The following CARMIL1 variants were observed in gnomAD, a reference collection of about 807,000 sequenced individuals.
CARMIL1 encodes capping protein regulator and myosin 1 linker 1.
Under a neutral mutation model 177.1 loss-of-function variants are expected in CARMIL1, and 90 were observed. The ratio of observed to expected loss-of-function variants is 0.51; its 90% CI spans 0.43 to 0.61. The LOEUF (loss-of-function observed/expected upper bound fraction) is 0.61, where lower values mean the gene tolerates loss of function less well. Ranked by LOEUF, CARMIL1 falls within the 20% of genes least tolerant of loss-of-function variation. The pLI is 0.00. For missense variants in CARMIL1, 1,380 were observed against 1,667.0 expected, an observed-to-expected ratio of 0.83 and a Z score of 3.00; for synonymous variants, 577 against 606.2, an observed-to-expected ratio of 0.95 and a Z score of 0.71.
At chr6:25,545,830 T>A (rs1809398198) in intron 26 of CARMIL1, among the ~76,000 whole-genome samples, 1 of 152,168 alleles carries the variant, frequency 6.6e-6, no homozygotes, top group Non-Finnish European at 1.5e-5. Context: ...ATAATTTAAA[T>A]CAGAGGATAT....
intron 2 of CARMIL1, among the ~76,000 whole-genome samples, chr6:25,304,702 C>T (rs984440157): frequency 6.6e-6 from 1 of 152,192 alleles, no homozygotes; most frequent in Admixed American, 6.5e-5. Flanking sequence ...GGGTTGGGGA[C>T]ACCTGCTATA....
At chr6:25,300,308 C>A (rs1242373834) in intron 2 of CARMIL1, among the ~76,000 whole-genome samples, 1 of 152,180 alleles carries the variant, frequency 6.6e-6, no homozygotes, top group Non-Finnish European at 1.5e-5. Context: ...AAAGATCAGA[C>A]CAGTGGTTCT....
intron 2 of CARMIL1, among the ~76,000 whole-genome samples, chr6:25,410,726 C>G (rs9366621): frequency 0.19 from 29,047 of 152,134 alleles, 3,161 homozygotes; most frequent in Non-Finnish European, 0.24. Context: ...CTTCTCCCAT[C>G]TTTAGAGTTG....
At chr6:25,344,898 G>T (rs1787335425) in intron 2 of CARMIL1, among the ~76,000 whole-genome samples, 1 of 151,914 alleles carries the variant, frequency 6.6e-6, no homozygotes, top group Admixed American at 6.6e-5. Context: ...ATTCCCACTG[G>T]CATATGAGTT....
At chr6:25,482,623 T>C (rs1312364155) in intron 12 of CARMIL1, among the ~76,000 whole-genome samples, 1 of 152,200 alleles carries the variant, frequency 6.6e-6, no homozygotes, top group African/African-American at 2.4e-5. Context: ...TGTCTGCCTC[T>C]GCCCTCCTGC....
At chr6:25,364,725 G>A (rs540529584) in intron 2 of CARMIL1, among the ~76,000 whole-genome samples, 2 of 152,060 alleles carry the variant, frequency 1.3e-5, no homozygotes, top group South Asian at 2.1e-4. Context: ...CACCACGCCC[G>A]GCTAATTTTT....
At chr6:25,291,305 T>C (rs551674471) in intron 2 of CARMIL1, among the ~76,000 whole-genome samples, 4,113 of 152,220 alleles carry the variant, frequency 0.027, 67 homozygotes, top group Non-Finnish European at 0.038. Flanking sequence ...AAGTATAAAC[T>C]CTATTCCACC....
chr6:25,317,277 T>G (rs1481132726), intron 2 of CARMIL1, among the ~76,000 whole-genome samples: 1 of 152,106 alleles, frequency 6.6e-6, no homozygotes, highest in Admixed American at 6.6e-5. Flanking sequence ...ACTATAGGTG[T>G]GCATTACTGT....
intron 33 of CARMIL1, among the ~76,000 whole-genome samples, chr6:25,604,416 A>T (rs909564102): frequency 2.6e-5 from 4 of 152,182 alleles, no homozygotes; most frequent in African/African-American, 9.7e-5. Context: ...AACCTAGAGC[A>T]GATTCTGTAC....
At chr6:25,445,701 AT>A (rs572438327) in intron 5 of CARMIL1, among the ~76,000 whole-genome samples, 5 of 148,650 alleles carry the variant, frequency 3.4e-5, no homozygotes, top group African/African-American at 4.9e-5. Flanking sequence ...GGTCCGGCTA[AT>A]TTTTTTTTTG....
chr6:25,346,269 TC>T (rs1011543364), intron 2 of CARMIL1, among the ~76,000 whole-genome samples: 2 of 152,168 alleles, frequency 1.3e-5, no homozygotes, highest in Non-Finnish European at 1.5e-5. Context: ...CTTCCTTGTT[TC>T]CCCCTCTGGT....
chr6:25,426,207 C>A (rs1474711798), intron 3 of CARMIL1, among the ~76,000 whole-genome samples: 1 of 152,150 alleles, frequency 6.6e-6, no homozygotes, highest in East Asian at 1.9e-4. Context: ...TTTGCACCAA[C>A]TTCTACTATT....
chr6:25,453,613 TA>T (rs929026025), intron 8 of CARMIL1, among the ~76,000 whole-genome samples: 3 of 152,198 alleles, frequency 2.0e-5, no homozygotes, highest in African/African-American at 7.2e-5. Context: ...GATGTTTGTT[TA>T]AAAAACTAGG....
Position 25,606,190 on chromosome 6 carries a change from C to G in CARMIL1, c.3764C>G (p.Pro1255Arg). The change falls in exon 35 of 37, where the codon CCG becomes CGG. Residue 1255 changes from proline (P) to arginine (R), a missense_variant. Coordinates refer to ENST00000329474, the MANE Select transcript of CARMIL1 (RefSeq NM_017640.6). Reference protein sequence around the residue: ...SRSSSSTPTSPKPLLQSPKPS... With the variant: ...SRSSSSTPTSRKPLLQSPKPS... ...AGCTCATCCAGCACACCTACGAGCC[C>G]GAAGCCCCTCCTGCAGTCCCCCAAA... The G allele has an allele frequency of 6.2e-7, 1 of 1,613,978 alleles. No homozygotes were observed.
chr6:25,559,438 C>T (rs764450625), intron 29 of CARMIL1, among the ~76,000 whole-genome samples: 4 of 152,004 alleles, frequency 2.6e-5, no homozygotes, highest in Non-Finnish European at 4.4e-5. Context: ...TTAAGTGATC[C>T]GGAAAGTTAG....
At chr6:25,534,007 C>T (rs1250180830) in intron 24 of CARMIL1, among the ~76,000 whole-genome samples, 1 of 152,020 alleles carries the variant, frequency 6.6e-6, no homozygotes, top group Non-Finnish European at 1.5e-5. Context: ...ATTTGCTTTC[C>T]CCATCCATTA....
chr6:25,523,804 C>T (rs909558628), intron 23 of CARMIL1, among the ~76,000 whole-genome samples: 3 of 152,166 alleles, frequency 2.0e-5, no homozygotes, highest in Non-Finnish European at 4.4e-5. Flanking sequence ...TGAATCATAG[C>T]CAAGATCAGC....
intron 5 of CARMIL1, among the ~76,000 whole-genome samples, chr6:25,442,157 T>C (rs149400270): frequency 7.9e-5 from 12 of 151,718 alleles, no homozygotes; most frequent in African/African-American, 2.9e-4. Context: ...TTTAAAGAAA[T>C]CAATTAGTGT....
intron 2 of CARMIL1, among the ~76,000 whole-genome samples, chr6:25,402,689 C>G (rs930112705): frequency 6.6e-6 from 1 of 152,154 alleles, no homozygotes; most frequent in Admixed American, 6.5e-5. Context: ...TTTAGTCACA[C>G]TAGTCACACT....
Sources: allele counts gnomAD v4.1 joint callset (sites outside exome capture counted in the v4.1 genomes callset), GRCh38; gene constraint gnomAD v4.1.1; transcripts MANE v1.5; gene names NCBI Gene and HGNC (gene_info 2026-07-23, HGNC 2026-07-21).